Variants in SCUBE2 observed in about 807,000 individuals in gnomAD.
The protein encoded by SCUBE2 is signal peptide, CUB and EGF-like domain-containing protein 2.
SCUBE2 carries 114 observed loss-of-function variants against 125.9 expected under a neutral mutation model. The observed-to-expected ratio is 0.91, with a 90% CI of 0.78 to 1.06. The LOEUF (loss-of-function observed/expected upper bound fraction) is 1.06, where lower values mean the gene tolerates loss of function less well. Ranked by LOEUF, SCUBE2 falls within the 50% of genes least tolerant of loss-of-function variation. SCUBE2 has a pLI of 0.00. For synonymous variants in SCUBE2, 459 were observed against 492.9 expected (o/e 0.93, Z 0.91); for missense variants, 1,255 against 1,301.8 (o/e 0.96, Z 0.55).
chr11:9,065,665 C>T (rs993103861), intron 7 of SCUBE2, among the ~76,000 whole-genome samples: 9 of 152,112 alleles, frequency 5.9e-5, no homozygotes, highest in Admixed American at 2.0e-4. Flanking sequence ...TGCATTGGGA[C>T]GTTAACCTGA....
At chr11:9,056,529 G>C (rs2135527340) in intron 9 of SCUBE2, among the ~76,000 whole-genome samples, 1 of 152,268 alleles carries the variant, frequency 6.6e-6, no homozygotes, top group South Asian at 2.1e-4. Flanking sequence ...GCTCCACATT[G>C]GATGCTTTTG....
At chr11:9,081,706 A>G (rs2076395379) in intron 2 of SCUBE2, among the ~76,000 whole-genome samples, 1 of 152,146 alleles carries the variant, frequency 6.6e-6, no homozygotes, top group South Asian at 2.1e-4. Context: ...TATTTTGTAC[A>G]TAACACATGT....
chr11:9,052,253 G>A (rs1043829244), intron 13 of SCUBE2, among the ~76,000 whole-genome samples: 1 of 152,224 alleles, frequency 6.6e-6, no homozygotes, highest in Non-Finnish European at 1.5e-5. Context: ...TCATTCAGGT[G>A]TTCCAATGAC....
chr11:9,052,921 C>A, intron 12 of SCUBE2, 89 bp from the exon 13 acceptor site: 1 of 1,132,592 alleles, frequency 8.8e-7, no homozygotes. Context: ...CCCCACTCCA[C>A]ATGGGCCACT....
At chr11:9,054,323 T>A (rs1182033420) in intron 10 of SCUBE2, among the ~76,000 whole-genome samples, 1 of 151,962 alleles carries the variant, frequency 6.6e-6, no homozygotes, top group African/African-American at 2.4e-5. Context: ...ACCAATCCAT[T>A]CCTCCATTAG....
At chr11:9,035,091 T>C (rs1856649997) in intron 16 of SCUBE2, among the ~76,000 whole-genome samples, 1 of 152,210 alleles carries the variant, frequency 6.6e-6, no homozygotes, top group Non-Finnish European at 1.5e-5. Context: ...TACTGTTAAA[T>C]GTAGATTTGT....
intron 4 of SCUBE2, among the ~76,000 whole-genome samples, chr11:9,074,206 G>A (rs2135823346): frequency 6.6e-6 from 1 of 152,306 alleles, no homozygotes; most frequent in Admixed American, 6.5e-5. Flanking sequence ...AGTCATGTTT[G>A]AAATGTATTC....
chr11:9,090,478 T>TTTA (rs1157148708), intron 1 of SCUBE2: 3 of 49,992 alleles, frequency 6.0e-5, no homozygotes, highest in Non-Finnish European at 2.9e-4. Context: ...TTTTTTTTTA[T>TTTA]TTATTTATTT....
chr11:9,079,317 C>A, intron 3 of SCUBE2, 67 bp downstream of exon 3: 2 of 1,594,320 alleles, frequency 1.3e-6, no homozygotes, highest in South Asian at 2.3e-5. Flanking sequence ...ATGAGGAGGT[C>A]TTCACCAAGG....
chr11:9,066,467 C>G (rs1860240157), intron 6 of SCUBE2, among the ~76,000 whole-genome samples: 1 of 152,216 alleles, frequency 6.6e-6, no homozygotes, highest in African/African-American at 2.4e-5. Context: ...GCGTTAGGAG[C>G]AGCCTAGTCC....
chr11:9,027,500 T>A lies in SCUBE2; in HGVS notation c.2565A>T (p.Pro855=), dbSNP rs762542760. 3.1e-6 allele frequency: 5 copies of A among 1,614,084 alleles called. No homozygotes were observed. The highest frequency in any genetic ancestry group is 4.2e-6 in the Non-Finnish European group (5 of 1,180,022). ...FTGYIESPNY[P]GNYPANTECT... Reference sequence around the variant, plus strand: ...ACTCGGTGTTGGCTGGGTAATTGCCTGGGTAGTTTGGGGATTCAATGTACC... The same window carrying A: ...ACTCGGTGTTGGCTGGGTAATTGCCAGGGTAGTTTGGGGATTCAATGTACC... The change falls in exon 20 of 23, where the codon CCA becomes CCT. Residue 855 remains proline (P), a synonymous_variant. Coordinates refer to ENST00000649792, the MANE Select transcript of SCUBE2 (RefSeq NM_001367977.2).
At chr11:9,045,655 A>ACG (rs1205574159) in intron 16 of SCUBE2, among the ~76,000 whole-genome samples, 7 of 144,104 alleles carry the variant, frequency 4.9e-5, no homozygotes, top group Admixed American at 4.2e-4. Context: ...ACACACACAC[A>ACG]GCCTTGTCTA....
At chr11:9,053,834 G>A (rs1858695787) in intron 10 of SCUBE2, 75 bp from the exon 11 acceptor site, 2 of 1,547,758 alleles carry the variant, frequency 1.3e-6, no homozygotes, top group Admixed American at 1.7e-5. Context: ...CTTGAGGAAG[G>A]AGCAGCAGGG....
chr11:9,091,480 G>T lies in SCUBE2; in HGVS notation c.49C>A (p.Leu17Met), dbSNP rs537125511. The change falls in exon 1 of 23, where the codon CTG becomes ATG. Residue 17 changes from leucine (L) to methionine (M), a missense_variant. Physicochemically the swap from Leu to Met is conservative, Grantham distance 15. Coordinates refer to ENST00000649792, the MANE Select transcript of SCUBE2 (RefSeq NM_001367977.2). This position sits in a 1 kb window ranked among gnomAD's most constrained non-coding sequence, Gnocchi z 8.5. ...NRPGAAWAVL[L>M]LLLLLPPLLL... ...AGTGGCGGCAGCAGCAGCAGCAGCAGCAGCACCGCCCAGGCCGCCCCGGGA... is the reference window on the plus strand; with the variant it reads ...AGTGGCGGCAGCAGCAGCAGCAGCATCAGCACCGCCCAGGCCGCCCCGGGA... 8.1e-7 allele frequency: 1 copy of T among 1,240,832 alleles called. No individual in the cohort carries two copies. The highest frequency in any genetic ancestry group is 1.0e-6 in the Non-Finnish European group (1 of 962,056). The allele number at this position is 1,240,832 out of a possible 1,614,324, so 76.9% of individuals were successfully genotyped here.
At chr11:9,064,542 G>A (rs886691901) in intron 7 of SCUBE2, 2 of 151,964 alleles carry the variant, frequency 1.3e-5, no homozygotes, top group Admixed American at 1.3e-4. Context: ...AAATATGGGG[G>A]AGGAGGAGCC....
chr11:9,053,037 T>C lies in SCUBE2; in HGVS notation c.1447+62A>G, dbSNP rs1858583436. 16 of 1,411,840 alleles carry C rather than the reference T, an allele frequency of 1.1e-5. No homozygotes were observed. In the South Asian group the frequency reaches 1.8e-4, roughly 15 times the overall value. The allele number at this position is 1,411,840 out of a possible 1,614,324, so 87.5% of individuals were successfully genotyped here. On this transcript the variant is annotated intron_variant, in intron 12 of 22. Transcript: ENST00000649792. ...AAGCCCTTTGAGGGAATCTAACACC[T>C]GGAGGCCAGAGAGGCCTGGCCCCAG...
At chr11:9,040,699 G>A (rs1251098396) in intron 16 of SCUBE2, among the ~76,000 whole-genome samples, 2 of 148,450 alleles carry the variant, frequency 1.3e-5, no homozygotes, top group African/African-American at 2.5e-5. Context: ...GAGAAAGGGA[G>A]GATTCATATT....
rs770441166 is a variant in SCUBE2 at position 9,027,503 on chromosome 11, G to T, written c.2562C>A (p.Tyr854Ter). ...DFTGYIESPN[Y>*]PGNYPANTEC... Reference sequence around the variant, plus strand: ...CGGTGTTGGCTGGGTAATTGCCTGGGTAGTTTGGGGATTCAATGTACCCAG... The same window carrying T: ...CGGTGTTGGCTGGGTAATTGCCTGGTTAGTTTGGGGATTCAATGTACCCAG... The change falls in exon 20 of 23, where the codon TAC becomes TAA. Residue 854 changes from tyrosine (Y) to a stop codon, truncating the protein, a stop_gained. Transcript: ENST00000649792. LOFTEE classifies it high-confidence loss of function. 14 of 1,613,960 alleles carry T rather than the reference G, an allele frequency of 8.7e-6. No homozygotes were observed. Among genetic ancestry groups the T allele is most frequent in the Non-Finnish European group, 1.2e-5 (14 of 1,180,012 alleles).
chr11:9,041,050 G>A (rs572269362), intron 16 of SCUBE2, among the ~76,000 whole-genome samples: 1 of 152,204 alleles, frequency 6.6e-6, no homozygotes, highest in East Asian at 1.9e-4. Flanking sequence ...AAAGACTATA[G>A]GACAAATGGA....
Sources: allele counts gnomAD v4.1 joint callset (sites outside exome capture counted in the v4.1 genomes callset), GRCh38; gene constraint gnomAD v4.1.1; non-coding constraint Gnocchi (gnomAD v3.1); transcripts MANE v1.5; gene names NCBI Gene and HGNC (gene_info 2026-07-23, HGNC 2026-07-21).